OOSP4B: variants seen among roughly 807,000 people sequenced by gnomAD.
OOSP4B encodes oocyte secreted protein family member 4B, also known as oocyte-secreted protein 4B.
At chr11:60,018,158 A>G (rs966573148) in intron 1 of OOSP4B, among the ~76,000 whole-genome samples, 8 of 152,224 alleles carry the variant, frequency 5.3e-5, no homozygotes, top group African/African-American at 1.9e-4. Flanking sequence ...TCAGTGCGCC[A>G]GAGTGATGTC....
intron 1 of OOSP4B, among the ~76,000 whole-genome samples, chr11:60,020,052 G>A (rs1393055599): frequency 2.0e-5 from 3 of 152,088 alleles, no homozygotes; most frequent in African/African-American, 4.8e-5. Flanking sequence ...ATTCACAAAC[G>A]CTGAGCTAGA....
intron 3 of OOSP4B, among the ~76,000 whole-genome samples, chr11:60,028,693 C>A (rs915641893): frequency 6.6e-6 from 1 of 152,186 alleles, no homozygotes; most frequent in Non-Finnish European, 1.5e-5. Context: ...AATCTATTCT[C>A]TTCCCCTACT....
intron 1 of OOSP4B, among the ~76,000 whole-genome samples, chr11:60,019,178 G>A (rs374809859): frequency 4.6e-5 from 7 of 152,066 alleles, no homozygotes; most frequent in East Asian, 3.9e-4. Flanking sequence ...AGCTGAGATT[G>A]CGCCATTGCA....
intron 1 of OOSP4B, among the ~76,000 whole-genome samples, chr11:60,020,634 C>G (rs1854681284): frequency 6.6e-6 from 1 of 152,236 alleles, no homozygotes; most frequent in Non-Finnish European, 1.5e-5. Flanking sequence ...GGAGCTGGCT[C>G]TGGCCTTGGC....
chr11:60,025,116 A>G, intron 3 of OOSP4B, 111 bp downstream of exon 3: 1 of 393,876 alleles, frequency 2.5e-6, no homozygotes, highest in Non-Finnish European at 4.5e-6. Context: ...TATGGCATAA[A>G]TTTCTAAAGT....
intron 1 of OOSP4B, chr11:60,021,340 C>T (rs1854688740): frequency 6.6e-6 from 1 of 152,136 alleles, no homozygotes. Context: ...AAACAAATTA[C>T]TCACCAACTA....
intron 1 of OOSP4B, among the ~76,000 whole-genome samples, chr11:60,018,612 G>A (rs1332488360): frequency 1.3e-5 from 2 of 152,282 alleles, no homozygotes; most frequent in Non-Finnish European, 2.9e-5. Context: ...TCTAACAACC[G>A]AAGCTAATGA....
chr11:60,018,262 C>CT (rs1854646256), intron 1 of OOSP4B, among the ~76,000 whole-genome samples: 1 of 152,144 alleles, frequency 6.6e-6, no homozygotes, highest in Non-Finnish European at 1.5e-5. Context: ...TCTCTTCCAC[C>CT]TTTACATTAG....
At chr11:60,027,359 C>A (rs898057858) in intron 3 of OOSP4B, among the ~76,000 whole-genome samples, 3 of 152,082 alleles carry the variant, frequency 2.0e-5, no homozygotes, top group African/African-American at 7.2e-5. Context: ...ACATGCTTCC[C>A]TGACCATGAG....
intron 3 of OOSP4B, 30 bp from the exon 4 acceptor site, chr11:60,029,752 G>A (rs1314898876): frequency 2.5e-6 from 1 of 397,840 alleles, no homozygotes; most frequent in Non-Finnish European, 4.4e-6. Context: ...TATTAATCCT[G>A]TGCTTTTCTT....
At chr11:60,021,390 G>C (rs904865858) in intron 1 of OOSP4B, 3 of 152,122 alleles carry the variant, frequency 2.0e-5, no homozygotes, top group African/African-American at 2.4e-5. Context: ...TGTGAATAGA[G>C]AATAATTAAC....
intron 1 of OOSP4B, among the ~76,000 whole-genome samples, chr11:60,020,542 G>A (rs1854679903): frequency 6.6e-6 from 1 of 152,240 alleles, no homozygotes; most frequent in Non-Finnish European, 1.5e-5. Flanking sequence ...CGCCCACCCA[G>A]AACTTGCGCT....
At chr11:60,024,331 G>C (rs574570700) in intron 2 of OOSP4B, among the ~76,000 whole-genome samples, 1 of 152,194 alleles carries the variant, frequency 6.6e-6, no homozygotes, top group Non-Finnish European at 1.5e-5. Context: ...CCTGAAGTCA[G>C]GAGTTTGAGA....
intron 3 of OOSP4B, among the ~76,000 whole-genome samples, chr11:60,029,116 A>C (rs1312920978): frequency 6.6e-6 from 1 of 152,234 alleles, no homozygotes; most frequent in Non-Finnish European, 1.5e-5. Flanking sequence ...TCAACAAGAG[A>C]TATAGAAAAT....
At chr11:60,019,041 ACC>A (rs1251489077) in intron 1 of OOSP4B, among the ~76,000 whole-genome samples, 6 of 152,146 alleles carry the variant, frequency 3.9e-5, no homozygotes, top group African/African-American at 1.2e-4. Context: ...ATATGGCGAA[ACC>A]CCGTCTCTAC....
intron 1 of OOSP4B, among the ~76,000 whole-genome samples, chr11:60,018,301 C>T (rs530998460): frequency 6.6e-6 from 1 of 152,168 alleles, no homozygotes; most frequent in East Asian, 1.9e-4. Context: ...GTGGTTTTGC[C>T]CTCCAGGGGA....
chr11:60,030,842 G>T (rs1854800090), exon 5 of OOSP4B: 1 of 398,190 alleles, frequency 2.5e-6, no homozygotes, highest in Non-Finnish European at 4.4e-6. Flanking sequence ...TAATGCCTGT[G>T]TTATAACACC....
intron 1 of OOSP4B, among the ~76,000 whole-genome samples, chr11:60,019,107 C>T (rs766514784): frequency 7.2e-5 from 11 of 151,970 alleles, no homozygotes; most frequent in African/African-American, 1.2e-4. Flanking sequence ...CCTGTAATCC[C>T]GACTACTCAG....
chr11:60,023,193 A>C (rs1382002673), intron 1 of OOSP4B, among the ~76,000 whole-genome samples: 1 of 152,208 alleles, frequency 6.6e-6, no homozygotes, highest in African/African-American at 2.4e-5. Context: ...CTCTCTGTGG[A>C]TTTTTGCAGC....
Sources: allele counts gnomAD v4.1 joint callset (sites outside exome capture counted in the v4.1 genomes callset), GRCh38; gene constraint gnomAD v4.1.1; transcripts MANE v1.5; gene names NCBI Gene and HGNC (gene_info 2026-07-23, HGNC 2026-07-21).